GRID2: variants seen among roughly 807,000 people sequenced by gnomAD.
GRID2 encodes the protein glutamate ionotropic receptor delta type subunit 2.
A neutral mutation model predicts 114.8 loss-of-function variants in GRID2; 33 were observed. The ratio of observed to expected loss-of-function variants is 0.29; its 90% CI spans 0.22 to 0.38. GRID2 has a LOEUF of 0.38. GRID2 is among the 10% of genes least tolerant of loss of function. GRID2 has a pLI of 1.00. For missense variants in GRID2, 1,184 were observed against 1,257.7 expected (o/e 0.94, Z 0.89); for synonymous variants, 505 against 449.9 (o/e 1.12, Z -1.55).
Position 92,732,904 on chromosome 4 carries a change from G to C in GRID2, c.244+142618G>C, listed in dbSNP as rs144734537. ...ACATTTTTCTCCCAATTTTGTGGCT[G>C]TAAGGCCTAGTACAGTGACTGACAT... On this transcript the variant is annotated intron_variant, in intron 2 of 15. Coordinates refer to ENST00000282020, the MANE Select transcript of GRID2 (RefSeq NM_001510.4). 2.5e-4 allele frequency among the ~76,000 whole-genome samples: 38 copies of C among 152,178 alleles called. No homozygotes were observed. The East Asian group carries it at 7.2e-3, about 29-fold the overall frequency.
intron 4 of GRID2, among the ~76,000 whole-genome samples, chr4:93,124,851 A>T (rs938152204): frequency 2.0e-5 from 3 of 152,166 alleles, no homozygotes; most frequent in Non-Finnish European, 4.4e-5. Flanking sequence ...TGAAAAAAAT[A>T]CCCTGTAGCA....
At chr4:92,600,728 G>A (rs1057244556) in intron 2 of GRID2, among the ~76,000 whole-genome samples, 2 of 152,192 alleles carry the variant, frequency 1.3e-5, no homozygotes, top group African/African-American at 4.8e-5. Context: ...AGTGGAGGCT[G>A]CAGAACAGCA....
chr4:93,798,912 T>C (rs1046037015), intron 1 of GRID2, among the ~76,000 whole-genome samples: 2 of 152,136 alleles, frequency 1.3e-5, no homozygotes, highest in Non-Finnish European at 2.9e-5. Flanking sequence ...ATAACACCAG[T>C]TCCTGTCTTG....
At chr4:92,669,321 T>A (rs1248355779) in intron 2 of GRID2, among the ~76,000 whole-genome samples, 3 of 151,902 alleles carry the variant, frequency 2.0e-5, no homozygotes, top group Admixed American at 6.6e-5. Flanking sequence ...ATGTAACTAC[T>A]AACAACCCTA....
intron 2 of GRID2, among the ~76,000 whole-genome samples, chr4:92,969,850 G>A (rs1451731989): frequency 6.6e-6 from 1 of 151,838 alleles, no homozygotes; most frequent in Non-Finnish European, 1.5e-5. Context: ...AGATAACCAA[G>A]GTTGCCTGAG....
At chr4:92,951,274 C>T (rs1381279412) in intron 2 of GRID2, among the ~76,000 whole-genome samples, 1 of 151,866 alleles carries the variant, frequency 6.6e-6, no homozygotes, top group African/African-American at 2.4e-5. Context: ...ATAAAAGGAA[C>T]TTAACAATAG....
chr4:92,306,337 C>T (rs1051219338), intron 1 of GRID2, among the ~76,000 whole-genome samples: 2 of 152,208 alleles, frequency 1.3e-5, no homozygotes, highest in African/African-American at 4.8e-5. Context: ...CCCGTTTTGC[C>T]TGGGGGCTAA....
intron 2 of GRID2, among the ~76,000 whole-genome samples, chr4:92,827,445 G>C (rs1741798343): frequency 6.7e-6 from 1 of 148,738 alleles, no homozygotes; most frequent in Admixed American, 6.7e-5. Flanking sequence ...TTGTTACTAT[G>C]TCCCTTCTGT....
intron 2 of GRID2, among the ~76,000 whole-genome samples, chr4:92,986,336 AT>A (rs1234918559): frequency 2.6e-5 from 4 of 152,162 alleles, no homozygotes; most frequent in African/African-American, 7.2e-5. Context: ...TAAAGAGTCT[AT>A]TTTTTGATTA....
intron 2 of GRID2, among the ~76,000 whole-genome samples, chr4:92,593,948 G>A (rs558021001): frequency 4.4e-4 from 66 of 150,534 alleles, no homozygotes; most frequent in African/African-American, 1.5e-3. Flanking sequence ...AACGTATATG[G>A]GTTATTTTTA....
At chr4:93,129,059 A>G (rs1318800764) in intron 4 of GRID2, among the ~76,000 whole-genome samples, 1 of 152,188 alleles carries the variant, frequency 6.6e-6, no homozygotes, top group African/African-American at 2.4e-5. Context: ...TTCTCTGGAC[A>G]TTAAATTTAT....
intron 3 of GRID2, among the ~76,000 whole-genome samples, chr4:93,108,039 A>AT (rs1732416767): frequency 1.3e-5 from 2 of 152,090 alleles, no homozygotes; most frequent in African/African-American, 4.8e-5. Context: ...TCTCCTATAG[A>AT]TTTTTGATCC....
In GRID2 at chr4:93,148,474, TATA is replaced by T. The variant is rs35526544; in HGVS notation, c.735+37527_735+37529del. On this transcript the variant is annotated intron_variant, in intron 4 of 15. Transcript: ENST00000282020. ...AAGAAGGGATTCAAAATGCTTTATATATAATAATTAACTTCAAAACCTAATTCT... is the reference window on the plus strand; with the variant it reads ...AAGAAGGGATTCAAAATGCTTTATATATAATTAACTTCAAAACCTAATTCT... Among the ~76,000 whole-genome samples, 1,151 of 152,260 alleles carry T rather than the reference TATA, an allele frequency of 7.6e-3. 48 individuals carry two copies. Among genetic ancestry groups the T allele is most frequent in the Admixed American group, 0.057 (875 of 15,270 alleles).
intron 11 of GRID2, among the ~76,000 whole-genome samples, chr4:93,465,941 A>G (rs1405450548): frequency 6.6e-6 from 1 of 152,226 alleles, no homozygotes; most frequent in Non-Finnish European, 1.5e-5. Context: ...ATAGCCAGGA[A>G]TACAACAAAT....
intron 2 of GRID2, among the ~76,000 whole-genome samples, chr4:92,698,467 A>C (rs1046243284): frequency 1.3e-5 from 2 of 152,064 alleles, no homozygotes; most frequent in Admixed American, 1.3e-4. Context: ...ATAAGAAAAA[A>C]ATTAATAAAA....
chr4:93,711,724 G>A (rs1468564373), intron 14 of GRID2, among the ~76,000 whole-genome samples: 1 of 152,180 alleles, frequency 6.6e-6, no homozygotes, highest in African/African-American at 2.4e-5. Context: ...TTTCCATCCT[G>A]CAAGCACACA....
At chr4:93,085,310 A>G in intron 3 of GRID2, 31 bp downstream of exon 3, 1 of 1,527,370 alleles carries the variant, frequency 6.5e-7, no homozygotes, top group South Asian at 1.1e-5. Context: ...TAGGTTTTGT[A>G]AGCTGATATT....
intron 4 of GRID2, among the ~76,000 whole-genome samples, chr4:93,170,754 C>G (rs1027561182): frequency 1.1e-4 from 17 of 152,150 alleles, no homozygotes; most frequent in Middle Eastern, 3.4e-3. Context: ...TCTTACATAC[C>G]CGACTGCCTA....
intron 12 of GRID2, among the ~76,000 whole-genome samples, chr4:93,496,102 G>A (rs1401647963): frequency 4.3e-5 from 6 of 139,734 alleles, no homozygotes; most frequent in Non-Finnish European, 7.7e-5. Flanking sequence ...CCATTTGAAT[G>A]CATTTTTTTC....
Sources: gnomAD v4.1 joint callset for allele counts (sites outside exome capture counted in the v4.1 genomes callset) on GRCh38, gnomAD v4.1.1 for gene constraint, MANE v1.5 for transcripts, NCBI Gene and HGNC (gene_info 2026-07-23, HGNC 2026-07-21) for gene names.